GALNT2: variants seen among roughly 807,000 people sequenced by gnomAD.
GALNT2 encodes the protein polypeptide N-acetylgalactosaminyltransferase 2.
In GALNT2, 31 loss-of-function variants were observed where a neutral mutation model predicts 81.4. That is an observed-to-expected ratio of 0.38 (90% confidence interval 0.29 to 0.51). The LOEUF (loss-of-function observed/expected upper bound fraction) is 0.51. Among genes scored for constraint, GALNT2 ranks in the 20% least tolerant of loss-of-function variants. GALNT2 has a pLI of 0.87. For missense variants in GALNT2, 629 were observed against 765.7 expected, an observed-to-expected ratio of 0.82 and a Z score of 2.11; for synonymous variants, 303 against 287.4, an observed-to-expected ratio of 1.05 and a Z score of -0.55.
chr1:230,274,402 C>T (rs1320098192), intron 14 of GALNT2, 43 bp from the exon 15 acceptor site: 1 of 1,601,478 alleles, frequency 6.2e-7, no homozygotes, highest in Non-Finnish European at 8.5e-7. Context: ...CCTTTCACAG[C>T]CCGGTGCATA....
chr1:230,160,527 C>A (rs577677876), intron 1 of GALNT2, among the ~76,000 whole-genome samples: 1 of 152,094 alleles, frequency 6.6e-6, no homozygotes, highest in East Asian at 1.9e-4. Flanking sequence ...CCCTGGCCAA[C>A]ATGGTGAAAC....
chr1:230,106,600 T>C lies in GALNT2; in HGVS notation c.126+39194T>C, dbSNP rs148982142. 3.9e-5 allele frequency among the ~76,000 whole-genome samples: 6 copies of C among 152,360 alleles called. 1 individual carries two copies. Among genetic ancestry groups the C allele is most frequent in the African/African-American group, 1.4e-4 (6 of 41,584 alleles). ...TGGGAACAGGATGATAGAACAGTAA[T>C]GCATAATTATGGAGCATTTGCTGTA... On this transcript the variant is annotated intron_variant, in intron 1 of 15. Coordinates refer to ENST00000366672, the MANE Select transcript of GALNT2 (RefSeq NM_004481.5).
At chr1:230,123,831 T>C (rs1421677193) in intron 1 of GALNT2, among the ~76,000 whole-genome samples, 3 of 152,240 alleles carry the variant, frequency 2.0e-5, no homozygotes, top group Admixed American at 6.5e-5. Flanking sequence ...TTTGCTAGTC[T>C]CTCAGCATGC....
At chr1:230,276,128 A>G (rs147242823) in intron 15 of GALNT2, among the ~76,000 whole-genome samples, 95 of 152,004 alleles carry the variant, frequency 6.2e-4, no homozygotes, top group African/African-American at 2.2e-3. Flanking sequence ...CACCACAGAT[A>G]TATACATATA....
chr1:230,061,250 C>T (rs535717415), intron 1 of GALNT2, among the ~76,000 whole-genome samples: 57 of 150,908 alleles, frequency 3.8e-4, no homozygotes, highest in South Asian at 1.3e-3. Flanking sequence ...GAGTTCATAC[C>T]GCTATCTCTA....
rs770283690 is a variant in GALNT2 at position 230,255,267 on chromosome 1, G to T, written c.1059G>T (p.Pro353=). Residue 353 remains proline (P), a synonymous_variant, in exon 11 of 16, where the codon CCG becomes CCT. Coordinates refer to ENST00000366672, the MANE Select transcript of GALNT2 (RefSeq NM_004481.5). ...GTGGTGGCAGCCTGGAGATCATCCC[G>T]TGCAGCCGTGTGGGACACGTGTTCC... The part of the protein sequence containing the change: ...WQCGGSLEII[P]CSRVGHVFRK... 1.2e-6 allele frequency: 2 copies of T among 1,614,228 alleles called. No individual in the cohort carries two copies. Among genetic ancestry groups the T allele is most frequent in the African/African-American group, 1.3e-5 (1 of 75,058 alleles).
chr1:230,243,547 T>C lies in GALNT2; in HGVS notation c.729+120T>C. 1 of 1,288,038 alleles carries C rather than the reference T, an allele frequency of 7.8e-7. No individual in the cohort carries two copies. Among genetic ancestry groups the C allele is most frequent in the Non-Finnish European group, 1.0e-6 (1 of 967,734 alleles). 79.8% of individuals were successfully genotyped at this position (1,288,038 alleles called of 1,614,324 possible). ...GTAGGGCGTCAGGGCTGGTAGGGGC[T>C]GAGCTCGCCGTCTGCAGTTTTCCTT... On this transcript the variant is annotated intron_variant, in intron 7 of 15. Coordinates refer to ENST00000366672, the MANE Select transcript of GALNT2 (RefSeq NM_004481.5). This position sits in a 1 kb window ranked among gnomAD's most constrained non-coding sequence, Gnocchi z 4.2.
chr1:230,085,153 T>C (rs933764262), intron 1 of GALNT2, among the ~76,000 whole-genome samples: 1 of 152,164 alleles, frequency 6.6e-6, no homozygotes. Context: ...TTTTTATTAT[T>C]AACTCTCCTT....
chr1:230,267,017 C>CAA (rs1553275573), intron 14 of GALNT2, among the ~76,000 whole-genome samples: 15 of 151,380 alleles, frequency 9.9e-5, no homozygotes, highest in Non-Finnish European at 2.1e-4. Flanking sequence ...CACACACACA[C>CAA]AATAGCACAT....
chr1:230,151,193 C>T (rs192447399), intron 1 of GALNT2, among the ~76,000 whole-genome samples: 71 of 152,304 alleles, frequency 4.7e-4, no homozygotes, highest in Middle Eastern at 6.8e-3. Context: ...TTGTCTTTTC[C>T]CTCCATTCCC....
intron 9 of GALNT2, among the ~76,000 whole-genome samples, chr1:230,249,627 G>A (rs915751580): frequency 3.9e-5 from 6 of 152,204 alleles, no homozygotes; most frequent in Non-Finnish European, 8.8e-5. Flanking sequence ...TGCTGCTACT[G>A]CCCAGCAGGC....
At chr1:230,206,932 G>GTA (rs1664073655) in intron 3 of GALNT2, among the ~76,000 whole-genome samples, 4 of 151,936 alleles carry the variant, frequency 2.6e-5, no homozygotes, top group Admixed American at 2.6e-4. Context: ...CCTCAGTGAG[G>GTA]TATCCCTTGA....
At chr1:230,263,191 CTG>C (rs1665930255) in intron 13 of GALNT2, 186 bp downstream of exon 13, 2 of 601,294 alleles carry the variant, frequency 3.3e-6, no homozygotes, top group African/African-American at 1.9e-5. Context: ...TGGCCTGCTG[CTG>C]TCTCTGTCCT....
intron 2 of GALNT2, among the ~76,000 whole-genome samples, chr1:230,186,376 C>G (rs598203): frequency 0.23 from 35,013 of 152,090 alleles, 4,882 homozygotes; most frequent in African/African-American, 0.39. Context: ...AAGTCGGCCT[C>G]CCTGTCATCT....
intron 15 of GALNT2, among the ~76,000 whole-genome samples, chr1:230,277,549 T>C (rs1666333599): frequency 6.6e-6 from 1 of 152,116 alleles, no homozygotes; most frequent in Non-Finnish European, 1.5e-5. Flanking sequence ...ACGAGGGAGC[T>C]GGAAATGAAA....
At chr1:230,195,087 G>C (rs1298921811) in intron 2 of GALNT2, among the ~76,000 whole-genome samples, 1 of 152,242 alleles carries the variant, frequency 6.6e-6, no homozygotes, top group Admixed American at 6.5e-5. Flanking sequence ...CAGGTGGAGA[G>C]AGACAGGACT....
At chr1:230,104,141 G>A (rs986686294) in intron 1 of GALNT2, among the ~76,000 whole-genome samples, 2 of 152,186 alleles carry the variant, frequency 1.3e-5, no homozygotes, top group Non-Finnish European at 2.9e-5. Context: ...TCTCTCCAAA[G>A]GAGTCAGCAG....
intron 1 of GALNT2, among the ~76,000 whole-genome samples, chr1:230,108,792 T>A (rs541480222): frequency 6.6e-6 from 1 of 152,282 alleles, no homozygotes; most frequent in African/African-American, 2.4e-5. Flanking sequence ...ACCGTGTGGC[T>A]GACTGAGAGC....
intron 1 of GALNT2, among the ~76,000 whole-genome samples, chr1:230,097,727 A>G (rs1660291710): frequency 6.6e-6 from 1 of 152,216 alleles, no homozygotes; most frequent in Non-Finnish European, 1.5e-5. Flanking sequence ...ACATTTTAAC[A>G]TTCAAATGAC....
Sources: gnomAD v4.1 joint callset for allele counts (sites outside exome capture counted in the v4.1 genomes callset) on GRCh38, gnomAD v4.1.1 for gene constraint, Gnocchi (gnomAD v3.1) non-coding constraint, MANE v1.5 for transcripts, NCBI Gene and HGNC (gene_info 2026-07-23, HGNC 2026-07-21) for gene names.